Variants in ERBB4 observed in about 807,000 individuals in gnomAD.
The protein encoded by ERBB4 is erb-b2 receptor tyrosine kinase 4.
In ERBB4, 42 loss-of-function variants were observed where a neutral mutation model predicts 158.0. The ratio of observed to expected loss-of-function variants is 0.27; its 90% CI spans 0.21 to 0.34. The LOEUF is 0.34. Ranked by LOEUF, ERBB4 falls within the 10% of genes least tolerant of loss-of-function variation. ERBB4 has a pLI of 1.00. For missense variants in ERBB4, 1,333 were observed against 1,624.1 expected, an observed-to-expected ratio of 0.82 and a Z score of 3.08; for synonymous variants, 583 against 558.7, an observed-to-expected ratio of 1.04 and a Z score of -0.61.
At chr2:212,151,626 C>T (rs923913716) in intron 1 of ERBB4, among the ~76,000 whole-genome samples, 9 of 151,754 alleles carry the variant, frequency 5.9e-5, no homozygotes, top group Non-Finnish European at 1.0e-4. Flanking sequence ...TGGTGGCTCG[C>T]GCCTGTAATC....
rs539345121 is a variant in ERBB4, at chr2:211,855,969, T to C, written c.422-67810A>G. On this transcript the variant is annotated intron_variant, in intron 3 of 27. Coordinates refer to ENST00000342788, the MANE Select transcript of ERBB4 (RefSeq NM_005235.3). ...AAAATTAATAGGTGAATTTAGAAAA[T>C]CTCAGGATACAAAGTCAGAATGAAA... 6.6e-5 allele frequency among the ~76,000 whole-genome samples: 10 copies of C among 152,192 alleles called. No homozygotes were observed. In the South Asian group the frequency reaches 2.1e-3, roughly 32 times the overall value.
intron 20 of ERBB4, among the ~76,000 whole-genome samples, chr2:211,479,610 A>T (rs2065034414): frequency 6.6e-6 from 1 of 152,166 alleles, no homozygotes; most frequent in South Asian, 2.1e-4. Flanking sequence ...AGAGGACATA[A>T]TTATTCTACC....
intron 2 of ERBB4, among the ~76,000 whole-genome samples, chr2:212,081,814 T>G (rs935496381): frequency 4.6e-5 from 7 of 152,102 alleles, no homozygotes; most frequent in Non-Finnish European, 8.8e-5. Flanking sequence ...TGTAGGTACT[T>G]AAAGGGCTGT....
intron 1 of ERBB4, among the ~76,000 whole-genome samples, chr2:212,326,587 G>T (rs964159175): frequency 6.6e-6 from 1 of 150,602 alleles, no homozygotes; most frequent in African/African-American, 2.4e-5. Context: ...TCACAGTGAT[G>T]GGTATGTTTT....
intron 1 of ERBB4, among the ~76,000 whole-genome samples, chr2:212,535,329 A>T (rs146962473): frequency 6.6e-6 from 1 of 152,182 alleles, no homozygotes; most frequent in Admixed American, 6.5e-5. Flanking sequence ...AAGAGAATTG[A>T]TGCTTTCTTG....
At chr2:211,900,027 C>T (rs2079192350) in intron 3 of ERBB4, among the ~76,000 whole-genome samples, 1 of 152,134 alleles carries the variant, frequency 6.6e-6, no homozygotes, top group African/African-American at 2.4e-5. Context: ...TAATGCCACT[C>T]TTCCATCAGT....
intron 3 of ERBB4, among the ~76,000 whole-genome samples, chr2:211,909,973 G>T (rs6719726): frequency 0.13 from 20,302 of 151,660 alleles, 1,801 homozygotes; most frequent in African/African-American, 0.21. Flanking sequence ...AGGCTGGAGT[G>T]CAGTGGCGTG....
chr2:212,322,403 C>T (rs1362905466), intron 1 of ERBB4, among the ~76,000 whole-genome samples: 1 of 148,842 alleles, frequency 6.7e-6, no homozygotes. Context: ...TTGCCTTTCT[C>T]TTAAAATCCA....
intron 2 of ERBB4, among the ~76,000 whole-genome samples, chr2:212,074,378 G>A (rs553098642): frequency 4.0e-5 from 6 of 151,878 alleles, no homozygotes; most frequent in African/African-American, 1.4e-4. Context: ...TGAGGATTGC[G>A]GATTATAACT....
At chr2:211,401,067 A>AT (rs1372478231) in intron 25 of ERBB4, among the ~76,000 whole-genome samples, 1 of 152,150 alleles carries the variant, frequency 6.6e-6, no homozygotes, top group African/African-American at 2.4e-5. Flanking sequence ...ATCATTTAAA[A>AT]TGATTTTAAA....
chr2:211,978,363 AGTCTGTCTGTCTGTCT>A (rs36173850), intron 2 of ERBB4, among the ~76,000 whole-genome samples: 2 of 135,270 alleles, frequency 1.5e-5, no homozygotes, highest in East Asian at 2.2e-4. Flanking sequence ...AAGGAGTCTG[AGTCTGTCTGTCTGTCT>A]GTCTGTCTGT....
intron 1 of ERBB4, among the ~76,000 whole-genome samples, chr2:212,378,779 T>C (rs986184639): frequency 1.7e-4 from 26 of 151,884 alleles, no homozygotes; most frequent in Admixed American, 4.0e-4. Flanking sequence ...AATTATATCA[T>C]ATGCATTACC....
chr2:212,245,410 C>T (rs776949647), intron 1 of ERBB4, among the ~76,000 whole-genome samples: 2 of 151,960 alleles, frequency 1.3e-5, no homozygotes, highest in Non-Finnish European at 2.9e-5. Flanking sequence ...TTTTGATAAT[C>T]GAATGGAAGC....
At chr2:211,561,540 C>T (rs2067391961) in intron 20 of ERBB4, among the ~76,000 whole-genome samples, 1 of 152,196 alleles carries the variant, frequency 6.6e-6, no homozygotes, top group African/African-American at 2.4e-5. Context: ...ATCATCTAAA[C>T]ATGAACAAAT....
chr2:212,382,338 CAT>C (rs933183595), intron 1 of ERBB4, among the ~76,000 whole-genome samples: 3 of 150,462 alleles, frequency 2.0e-5, no homozygotes, highest in African/African-American at 7.3e-5. Context: ...ATATAAAACA[CAT>C]ATGTGCATAT....
At chr2:211,706,610 A>C (rs574545478) in intron 9 of ERBB4, among the ~76,000 whole-genome samples, 5 of 152,078 alleles carry the variant, frequency 3.3e-5, no homozygotes, top group East Asian at 1.9e-4. Flanking sequence ...ACAAAAAAAA[A>C]AAAAACAAAA....
intron 5 of ERBB4, among the ~76,000 whole-genome samples, chr2:211,732,778 C>T (rs1320961061): frequency 6.6e-6 from 1 of 152,070 alleles, no homozygotes; most frequent in East Asian, 1.9e-4. Flanking sequence ...CATGCTGAAA[C>T]CCCATCTCTA....
At chr2:211,637,248 G>A (rs892604583) in intron 16 of ERBB4, among the ~76,000 whole-genome samples, 1 of 151,916 alleles carries the variant, frequency 6.6e-6, no homozygotes, top group Non-Finnish European at 1.5e-5. Flanking sequence ...TAAGAAAAAT[G>A]TAGTTGATCA....
chr2:212,067,413 A>C (rs1272098744), intron 2 of ERBB4, among the ~76,000 whole-genome samples: 1 of 151,948 alleles, frequency 6.6e-6, no homozygotes, highest in Non-Finnish European at 1.5e-5. Context: ...AGACTTATTC[A>C]CTGTTTTTGA....
Sources: gnomAD v4.1 joint callset for allele counts (sites outside exome capture counted in the v4.1 genomes callset) on GRCh38, gnomAD v4.1.1 for gene constraint, MANE v1.5 for transcripts, NCBI Gene and HGNC (gene_info 2026-07-23, HGNC 2026-07-21) for gene names.